Variants in RGS7BP observed in about 807,000 individuals in gnomAD.
RGS7BP encodes regulator of G protein signaling 7 binding protein, also known as regulator of G protein signaling 7-binding protein.
In RGS7BP, 9 loss-of-function variants were observed where a neutral mutation model predicts 31.3. The observed-to-expected ratio is 0.29, with a 90% CI of 0.17 to 0.50. The LOEUF (loss-of-function observed/expected upper bound fraction) is 0.50, where lower values mean the gene tolerates loss of function less well. Among genes scored for constraint, RGS7BP ranks in the 20% least tolerant of loss-of-function variants. The pLI is 0.98. For missense variants in RGS7BP, 274 were observed against 322.0 expected, an observed-to-expected ratio of 0.85 and a Z score of 1.14; for synonymous variants, 115 against 120.1, an observed-to-expected ratio of 0.96 and a Z score of 0.28.
At chr5:64,525,100 C>T (rs1301790112) in intron 2 of RGS7BP, among the ~76,000 whole-genome samples, 2 of 152,016 alleles carry the variant, frequency 1.3e-5, no homozygotes, top group African/African-American at 4.8e-5. Flanking sequence ...CCACTCAACC[C>T]GCCATCATCC....
intron 2 of RGS7BP, among the ~76,000 whole-genome samples, chr5:64,546,153 C>CA (rs1741654282): frequency 6.6e-6 from 1 of 151,718 alleles, no homozygotes; most frequent in East Asian, 1.9e-4. Flanking sequence ...GACTCTGTCT[C>CA]AAAAACAAAA....
At chr5:64,521,590 T>G (rs1442389835) in intron 2 of RGS7BP, among the ~76,000 whole-genome samples, 1 of 152,194 alleles carries the variant, frequency 6.6e-6, no homozygotes, top group African/African-American at 2.4e-5. Context: ...AGTAAACAGA[T>G]ATTTTCTGAT....
chr5:64,607,480 G>A (rs916640465), intron 5 of RGS7BP, among the ~76,000 whole-genome samples: 1 of 152,012 alleles, frequency 6.6e-6, no homozygotes, highest in Non-Finnish European at 1.5e-5. Flanking sequence ...TGGAAGCGGG[G>A]CTTCTAAGTC....
intron 2 of RGS7BP, chr5:64,539,513 A>G (rs1166088055): frequency 1.3e-5 from 2 of 152,184 alleles, no homozygotes; most frequent in African/African-American, 4.8e-5. Context: ...TTCCAGGTGC[A>G]GTGGTGCTGG....
At chr5:64,605,743 T>C (rs1041976256) in intron 5 of RGS7BP, among the ~76,000 whole-genome samples, 1 of 151,922 alleles carries the variant, frequency 6.6e-6, no homozygotes, top group East Asian at 1.9e-4. Context: ...AAACCAGCAG[T>C]TGTCCTTAAT....
intron 2 of RGS7BP, among the ~76,000 whole-genome samples, chr5:64,527,508 C>T (rs1749258995): frequency 6.7e-6 from 1 of 149,618 alleles, no homozygotes; most frequent in African/African-American, 2.5e-5. Flanking sequence ...TAATTTTGGT[C>T]AATTCCCTGA....
At chr5:64,550,980 G>T (rs1313645655) in intron 2 of RGS7BP, among the ~76,000 whole-genome samples, 1 of 151,744 alleles carries the variant, frequency 6.6e-6, no homozygotes, top group East Asian at 1.9e-4. Flanking sequence ...TATTAAAAAT[G>T]AAGTGTTCAA....
At chr5:64,582,035 CA>C (rs1742613386) in intron 3 of RGS7BP, among the ~76,000 whole-genome samples, 1 of 152,126 alleles carries the variant, frequency 6.6e-6, no homozygotes, top group Non-Finnish European at 1.5e-5. Flanking sequence ...TAATTTTAGT[CA>C]TCTTGTAGTT....
At position 64,597,691 on chromosome 5, in the gene RGS7BP, T is replaced by C. The variant is rs560905891; in HGVS notation, c.612-674T>C. On this transcript the variant is annotated intron_variant, in intron 4 of 5. Transcript: ENST00000334025. ...CATGTTCTCACTTGTAAGTGGGAGC[T>C]AAATGGTGGGTACACATGGACATGG... 3.9e-4 allele frequency among the ~76,000 whole-genome samples: 59 copies of C among 151,436 alleles called. 1 individual carries two copies. Among genetic ancestry groups the C allele is most frequent in the African/African-American group, 1.4e-3 (57 of 41,240 alleles).
intron 3 of RGS7BP, among the ~76,000 whole-genome samples, chr5:64,583,977 C>T (rs1220862404): frequency 1.3e-5 from 2 of 152,190 alleles, no homozygotes; most frequent in African/African-American, 4.8e-5. Flanking sequence ...ATTTTATCCT[C>T]AAGTATATTT....
chr5:64,579,107 AG>A (rs1359310139), intron 3 of RGS7BP, among the ~76,000 whole-genome samples: 2 of 152,188 alleles, frequency 1.3e-5, no homozygotes, highest in African/African-American at 2.4e-5. Context: ...CCAGAATGCA[AG>A]TCCAAGAACT....
chr5:64,578,268 T>A (rs1437514312), intron 3 of RGS7BP, among the ~76,000 whole-genome samples: 2 of 152,218 alleles, frequency 1.3e-5, no homozygotes. Context: ...TGCCCCCTGC[T>A]CTAGTGCCTA....
Position 64,506,677 on chromosome 5 carries a change from C to G in RGS7BP, c.53C>G (p.Ser18Cys). The stretch of plus-strand genomic sequence containing the variant: ...AAGCGCCCCAGCCGGTCCACCCGCT[C>G]CTCGATCTTCCAGATCAGCAAGCCC... ...RKKRPSRSTR[S>C]SIFQISKPPL... Residue 18 changes from serine to cysteine, a missense_variant, in exon 1 of 6, where the codon TCC (serine) becomes TGC (cysteine). Ser to Cys is a moderately radical substitution (Grantham distance 112). Transcript: ENST00000334025. This position sits in a 1 kb window ranked among gnomAD's most constrained non-coding sequence, Gnocchi z 4.6. The G allele has an allele frequency of 6.2e-7, 1 of 1,613,222 alleles. No individual in the cohort carries two copies. The highest frequency in any genetic ancestry group is 8.5e-7 in the Non-Finnish European group (1 of 1,179,340).
At chr5:64,526,311 T>C (rs139240406) in intron 2 of RGS7BP, among the ~76,000 whole-genome samples, 368 of 152,290 alleles carry the variant, frequency 2.4e-3, no homozygotes, top group African/African-American at 8.0e-3. Flanking sequence ...ACTGGGCCAG[T>C]TTCACTGAGA....
intron 2 of RGS7BP, among the ~76,000 whole-genome samples, chr5:64,556,789 G>T (rs887062511): frequency 6.6e-6 from 1 of 151,578 alleles, no homozygotes; most frequent in Non-Finnish European, 1.5e-5. Flanking sequence ...ATCCCTTTCT[G>T]GTAGAACACT....
intron 3 of RGS7BP, among the ~76,000 whole-genome samples, chr5:64,592,733 C>G (rs139410575): frequency 2.6e-3 from 391 of 152,290 alleles, no homozygotes; most frequent in African/African-American, 8.5e-3. Context: ...TCTTCCCCTC[C>G]TCCTCTGTGA....
chr5:64,507,728 C>A lies in RGS7BP; in HGVS notation c.183C>A (p.Asn61Lys). 6.3e-7 allele frequency: 1 copy of A among 1,584,470 alleles called. No homozygotes were observed. Among genetic ancestry groups the A allele is most frequent in the Non-Finnish European group, 8.6e-7 (1 of 1,167,340 alleles). ...TTTTCCAGCTTGTCCAAGAGTTCAA[C>A]ACACAAGTGGCCCTGTACCGAGAGC... is the stretch of plus-strand genomic sequence containing the variant. ...DDCKMLVQEF[N>K]TQVALYRELV... The change falls in exon 2 of 6, where the codon AAC becomes AAA. Residue 61 changes from asparagine to lysine, a missense_variant. By Grantham distance (94) the Asn-to-Lys change is moderately conservative. This residue lies in a region of RGS7BP where 149 missense variants were observed against 152.6 expected (regional missense o/e 0.98). Coordinates refer to ENST00000334025, the MANE Select transcript of RGS7BP (RefSeq NM_001029875.3).
chr5:64,547,037 A>G (rs986506826), intron 2 of RGS7BP, among the ~76,000 whole-genome samples: 3 of 152,214 alleles, frequency 2.0e-5, no homozygotes, highest in Admixed American at 1.3e-4. Context: ...ATCTTTCAGC[A>G]TATCTGTGAG....
chr5:64,521,908 C>T (rs272622), intron 2 of RGS7BP, among the ~76,000 whole-genome samples: 36,091 of 152,200 alleles, frequency 0.24, 5,020 homozygotes, highest in South Asian at 0.36. Context: ...TACATTCCTA[C>T]AGAGTAAAAA....
Sources: gnomAD v4.1 joint callset for allele counts (sites outside exome capture counted in the v4.1 genomes callset) on GRCh38, gnomAD v4.1.1 for gene constraint, gnomAD v4.1.1 regional missense constraint, Gnocchi (gnomAD v3.1) non-coding constraint, MANE v1.5 for transcripts, NCBI Gene and HGNC (gene_info 2026-07-23, HGNC 2026-07-21) for gene names.